The following IMMP2L variants were observed in gnomAD, a reference collection of about 807,000 sequenced individuals.
IMMP2L encodes the protein mitochondrial inner membrane protease subunit 2.
In IMMP2L, 18 loss-of-function variants were observed where a neutral mutation model predicts 19.3. That is an observed-to-expected ratio of 0.93 (90% CI 0.64 to 1.38). IMMP2L has a LOEUF of 1.38. IMMP2L is among the 40% of genes most tolerant of loss of function. The pLI is 0.00. For synonymous variants in IMMP2L, 76 were observed against 73.0 expected, an observed-to-expected ratio of 1.04 and a Z score of -0.21; for missense variants, 233 against 218.2, an observed-to-expected ratio of 1.07 and a Z score of -0.43.
At chr7:111,140,823 TC>T (rs1006733066) in intron 3 of IMMP2L, among the ~76,000 whole-genome samples, 5 of 152,176 alleles carry the variant, frequency 3.3e-5, no homozygotes, top group Admixed American at 6.6e-5. Flanking sequence ...AGTCTATTCT[TC>T]CACTGAAAGA....
At chr7:111,328,129 C>T (rs957163673) in intron 3 of IMMP2L, among the ~76,000 whole-genome samples, 4 of 151,654 alleles carry the variant, frequency 2.6e-5, no homozygotes, top group East Asian at 1.9e-4. Flanking sequence ...AGAACTTGTA[C>T]GATTTTTGAA....
intron 3 of IMMP2L, among the ~76,000 whole-genome samples, chr7:111,423,368 T>G (rs1835770491): frequency 1.3e-5 from 2 of 151,852 alleles, no homozygotes; most frequent in Non-Finnish European, 2.9e-5. Flanking sequence ...TTTGGTAGCC[T>G]ATTAATTATT....
At chr7:110,950,622 C>T (rs1390639966) in intron 4 of IMMP2L, among the ~76,000 whole-genome samples, 1 of 151,230 alleles carries the variant, frequency 6.6e-6, no homozygotes, top group Non-Finnish European at 1.5e-5. Context: ...AAATATTAGC[C>T]TTCCCATGTT....
intron 5 of IMMP2L, among the ~76,000 whole-genome samples, chr7:110,784,218 A>C (rs1347619059): frequency 1.3e-5 from 2 of 151,912 alleles, no homozygotes; most frequent in African/African-American, 4.8e-5. Context: ...AAACCTATGG[A>C]CTTCTTCAGC....
intron 3 of IMMP2L, among the ~76,000 whole-genome samples, chr7:111,055,760 G>C (rs989207591): frequency 2.0e-5 from 3 of 152,194 alleles, no homozygotes; most frequent in Non-Finnish European, 4.4e-5. Context: ...AAATTCAGGA[G>C]AAGGAGCAGA....
intron 3 of IMMP2L, among the ~76,000 whole-genome samples, chr7:111,054,741 A>C (rs1284064842): frequency 6.6e-6 from 1 of 152,174 alleles, no homozygotes; most frequent in Non-Finnish European, 1.5e-5. Context: ...CAGGTTCTAA[A>C]ATCAATTGCT....
chr7:111,424,788 T>A (rs1835906476), intron 3 of IMMP2L, among the ~76,000 whole-genome samples: 1 of 151,800 alleles, frequency 6.6e-6, no homozygotes, highest in South Asian at 2.1e-4. Flanking sequence ...AACCAAAACA[T>A]TTGAAACAAT....
At chr7:111,057,977 A>G (rs73418030) in intron 3 of IMMP2L, among the ~76,000 whole-genome samples, 1,537 of 152,258 alleles carry the variant, frequency 0.01, 24 homozygotes, top group African/African-American at 0.035. Flanking sequence ...GTATTAAATG[A>G]AAGATTATCC....
chr7:111,140,436 G>C (rs1802763958), intron 3 of IMMP2L, among the ~76,000 whole-genome samples: 1 of 152,160 alleles, frequency 6.6e-6, no homozygotes, highest in African/African-American at 2.4e-5. Context: ...TTTTCTGCAT[G>C]CCCATTCAAT....
At chr7:110,863,944 G>A (rs981881967) in intron 5 of IMMP2L, among the ~76,000 whole-genome samples, 1 of 151,988 alleles carries the variant, frequency 6.6e-6, no homozygotes, top group Non-Finnish European at 1.5e-5. Context: ...AATTGAAACA[G>A]TATCACCCCA....
intron 1 of IMMP2L, among the ~76,000 whole-genome samples, chr7:111,525,119 T>G (rs1041985960): frequency 6.6e-6 from 1 of 152,140 alleles, no homozygotes; most frequent in African/African-American, 2.4e-5. Context: ...TAATAAGTGC[T>G]ATAAGAGAGA....
chr7:110,872,081 C>T (rs1808594708), intron 5 of IMMP2L, among the ~76,000 whole-genome samples: 2 of 151,978 alleles, frequency 1.3e-5, no homozygotes. Context: ...TGCAAATCAC[C>T]CTTTGTCATT....
intron 2 of IMMP2L, among the ~76,000 whole-genome samples, chr7:111,506,821 T>C (rs940026171): frequency 1.4e-4 from 22 of 152,076 alleles, no homozygotes; most frequent in African/African-American, 4.6e-4. Flanking sequence ...ACCTTATATC[T>C]TTCTGAGGTT....
chr7:110,955,162 C>A (rs1818239361), intron 4 of IMMP2L, among the ~76,000 whole-genome samples: 2 of 151,658 alleles, frequency 1.3e-5, no homozygotes, highest in South Asian at 4.2e-4. Flanking sequence ...GAAACAAATA[C>A]CTATTGCTAA....
At chr7:110,983,210 A>G (rs1252545561) in intron 3 of IMMP2L, among the ~76,000 whole-genome samples, 1 of 152,078 alleles carries the variant, frequency 6.6e-6, no homozygotes. Context: ...AAACTAACAA[A>G]ATACTGAGAA....
At chr7:111,340,003 T>C (rs78331850) in intron 3 of IMMP2L, among the ~76,000 whole-genome samples, 3,013 of 152,058 alleles carry the variant, frequency 0.02, 106 homozygotes, top group African/African-American at 0.069. Context: ...TGTAGATCAC[T>C]GATACTACCA....
In IMMP2L at chr7:111,213,613, C is replaced by A. The variant is rs1484564820; in HGVS notation, c.240-250048G>T. The stretch of plus-strand genomic sequence containing the variant: ...GTGCACACTTCCTCCCCTCTGAGGC[C>A]CACAAGAACCCCAGACTCACCCAGA... On this transcript the variant is annotated intron_variant, in intron 3 of 5. Coordinates refer to ENST00000405709, the MANE Select transcript of IMMP2L (RefSeq NM_032549.4). The surrounding 1 kb of genome is among the most constrained non-coding windows in gnomAD (Gnocchi z 4.8). Among the ~76,000 whole-genome samples, 1 of 152,138 alleles carries A rather than the reference C, an allele frequency of 6.6e-6. No homozygotes were observed. Among genetic ancestry groups the A allele is most frequent in the Non-Finnish European group, 1.5e-5 (1 of 68,024 alleles).
chr7:111,045,118 CA>C (rs1458676948), intron 3 of IMMP2L, among the ~76,000 whole-genome samples: 4 of 152,170 alleles, frequency 2.6e-5, no homozygotes, highest in African/African-American at 9.7e-5. Flanking sequence ...AGCTTTCAGA[CA>C]CAAAGATTAC....
chr7:111,100,761 C>G (rs955490301), intron 3 of IMMP2L, among the ~76,000 whole-genome samples: 1 of 151,088 alleles, frequency 6.6e-6, no homozygotes, highest in Non-Finnish European at 1.5e-5. Flanking sequence ...TGGTTGAATT[C>G]CAGGAGGATT....
Sources: gnomAD v4.1 joint callset for allele counts (sites outside exome capture counted in the v4.1 genomes callset) on GRCh38, gnomAD v4.1.1 for gene constraint, Gnocchi (gnomAD v3.1) non-coding constraint, MANE v1.5 for transcripts, NCBI Gene and HGNC (gene_info 2026-07-23, HGNC 2026-07-21) for gene names.